The following SLCO5A1 variants were observed in gnomAD, a reference collection of about 807,000 sequenced individuals.
The protein encoded by SLCO5A1 is organic anion transporter polypeptide-related protein 4.
A neutral mutation model predicts 65.1 loss-of-function variants in SLCO5A1; 39 were observed. The ratio of observed to expected loss-of-function variants is 0.60; its 90% CI spans 0.46 to 0.78. SLCO5A1 has a LOEUF of 0.78. SLCO5A1 is among the 30% of genes least tolerant of loss of function. SLCO5A1 has a pLI of 0.00. For missense variants in SLCO5A1, 1,029 were observed against 1,069.4 expected, an observed-to-expected ratio of 0.96 and a Z score of 0.53; for synonymous variants, 438 against 415.7, an observed-to-expected ratio of 1.05 and a Z score of -0.65.
intron 3 of SLCO5A1, among the ~76,000 whole-genome samples, chr8:69,760,549 G>A (rs1369367241): frequency 6.6e-6 from 1 of 152,108 alleles, no homozygotes; most frequent in African/African-American, 2.4e-5. Context: ...CTTTCTCCAT[G>A]TGTGTCTATG....
intron 2 of SLCO5A1, among the ~76,000 whole-genome samples, chr8:69,825,554 T>G (rs1372703956): frequency 5.9e-5 from 9 of 152,204 alleles, no homozygotes; most frequent in Middle Eastern, 3.4e-3. Context: ...ATAAAATACC[T>G]AGGAATCCAA....
intron 7 of SLCO5A1, among the ~76,000 whole-genome samples, chr8:69,680,091 G>A (rs958978992): frequency 2.0e-5 from 3 of 152,196 alleles, no homozygotes; most frequent in African/African-American, 7.2e-5. Flanking sequence ...GATGACTTTA[G>A]CGCCAATAAT....
At chr8:69,782,656 TTTAC>T (rs1818845205) in intron 2 of SLCO5A1, among the ~76,000 whole-genome samples, 1 of 152,130 alleles carries the variant, frequency 6.6e-6, no homozygotes, top group Non-Finnish European at 1.5e-5. Context: ...TAAATACAGT[TTTAC>T]TTACTAAGTT....
chr8:69,782,806 T>C (rs770723187), intron 2 of SLCO5A1, among the ~76,000 whole-genome samples: 1 of 152,118 alleles, frequency 6.6e-6, no homozygotes, highest in Admixed American at 6.5e-5. Context: ...AAATGACCCA[T>C]CTAATACCAG....
chr8:69,709,647 A>C (rs1476723643), intron 5 of SLCO5A1, among the ~76,000 whole-genome samples: 4 of 152,244 alleles, frequency 2.6e-5, no homozygotes, highest in Non-Finnish European at 5.9e-5. Context: ...CCGAGAATTC[A>C]TAACATGCTG....
chr8:69,831,708 G>A (rs1485307233), intron 2 of SLCO5A1, 59 bp downstream of exon 2: 10 of 1,494,354 alleles, frequency 6.7e-6, no homozygotes, highest in African/African-American at 2.8e-5. Context: ...TTTGATTTTT[G>A]TAAGGAAAGT....
intron 5 of SLCO5A1, among the ~76,000 whole-genome samples, chr8:69,716,043 T>C (rs1056852367): frequency 6.6e-6 from 1 of 152,106 alleles, no homozygotes; most frequent in Admixed American, 6.5e-5. Context: ...TCCATAAGTG[T>C]GCCTGTTTGA....
chr8:69,703,377 T>C (rs1247278409), intron 6 of SLCO5A1, among the ~76,000 whole-genome samples: 2 of 152,100 alleles, frequency 1.3e-5, no homozygotes, highest in African/African-American at 2.4e-5. Flanking sequence ...TATTGCAGCA[T>C]TGCTTTTAAC....
At chr8:69,833,816 G>C (rs1054245392) in intron 1 of SLCO5A1, 4 of 152,190 alleles carry the variant, frequency 2.6e-5, no homozygotes, top group African/African-American at 9.7e-5. Context: ...CCCCCTGACC[G>C]AAAGAACTCT....
At chr8:69,807,044 A>G (rs530501459) in intron 2 of SLCO5A1, among the ~76,000 whole-genome samples, 2 of 152,354 alleles carry the variant, frequency 1.3e-5, no homozygotes, top group East Asian at 3.9e-4. Flanking sequence ...GGCAATCCTA[A>G]GCAAAAAGAA....
At chr8:69,706,614 G>A (rs6472477) in intron 5 of SLCO5A1, among the ~76,000 whole-genome samples, 70,562 of 151,972 alleles carry the variant, frequency 0.46, 16,560 homozygotes, top group Middle Eastern at 0.49. Flanking sequence ...CATGTGAGAA[G>A]ACAGCCTTCT....
chr8:69,690,485 A>G (rs1437248625), intron 6 of SLCO5A1, among the ~76,000 whole-genome samples: 1 of 152,208 alleles, frequency 6.6e-6, no homozygotes, highest in Non-Finnish European at 1.5e-5. Flanking sequence ...GAATGATATA[A>G]TTGAAGGATT....
intron 2 of SLCO5A1, among the ~76,000 whole-genome samples, chr8:69,772,582 A>AGGAAAG (rs1818369243): frequency 9.1e-6 from 1 of 110,106 alleles, no homozygotes; most frequent in African/African-American, 3.7e-5. Flanking sequence ...AGGAAAGGAA[A>AGGAAAG]GGAAAGGAAA....
intron 6 of SLCO5A1, among the ~76,000 whole-genome samples, chr8:69,691,867 T>C (rs1749432307): frequency 6.6e-6 from 1 of 152,228 alleles, no homozygotes; most frequent in South Asian, 2.1e-4. Flanking sequence ...TACAAACCTG[T>C]ACGGCATATT....
At chr8:69,761,922 C>T (rs1421106521) in intron 2 of SLCO5A1, 47 bp from the exon 3 acceptor site, 4 of 1,603,286 alleles carry the variant, frequency 2.5e-6, no homozygotes, top group African/African-American at 2.7e-5. Context: ...CGTTTTATTA[C>T]ATGTTAGGAG....
intron 6 of SLCO5A1, among the ~76,000 whole-genome samples, chr8:69,688,580 T>TG (rs977282592): frequency 7.6e-6 from 1 of 131,614 alleles, no homozygotes; most frequent in African/African-American, 2.8e-5. Context: ...AGTGAGAACA[T>TG]GCGGTGTTTG....
At position 69,796,247 on chromosome 8, in the gene SLCO5A1, G is replaced by GT. The variant is rs199765549; in HGVS notation, c.908-34373_908-34372insA. Among the ~76,000 whole-genome samples the GT allele has an allele frequency of 9.2e-3, 1,387 of 150,814 alleles. 20 individuals are homozygous for GT. The highest frequency in any genetic ancestry group is 0.032 in the African/African-American group (1,324 of 40,944). Reference sequence around the variant, plus strand: ...AATTCCTCCCTAGAAAATGAGAGTTGGTTTTTTTTTTTTCCTACCTCATGG... The same window carrying GT: ...AATTCCTCCCTAGAAAATGAGAGTTGTGTTTTTTTTTTTTCCTACCTCATGG... On this transcript the variant is annotated intron_variant, in intron 2 of 9. Coordinates refer to ENST00000260126, the MANE Select transcript of SLCO5A1 (RefSeq NM_030958.3).
At chr8:69,795,731 G>C (rs577340811) in intron 2 of SLCO5A1, among the ~76,000 whole-genome samples, 1 of 152,330 alleles carries the variant, frequency 6.6e-6, no homozygotes, top group Non-Finnish European at 1.5e-5. Context: ...TGGGGACTTT[G>C]TGTGGGGGCT....
chr8:69,735,204 G>A (rs533985312), intron 5 of SLCO5A1, among the ~76,000 whole-genome samples: 1 of 152,164 alleles, frequency 6.6e-6, no homozygotes, highest in African/African-American at 2.4e-5. Context: ...AAATAGGAAC[G>A]CTTTTACACT....
Sources: allele counts gnomAD v4.1 joint callset (sites outside exome capture counted in the v4.1 genomes callset), GRCh38; gene constraint gnomAD v4.1.1; transcripts MANE v1.5; gene names NCBI Gene and HGNC (gene_info 2026-07-23, HGNC 2026-07-21).